SNTG2: variants seen among roughly 807,000 people sequenced by gnomAD.
The protein encoded by SNTG2 is syntrophin gamma 2, also known as gamma-2-syntrophin.
Under a neutral mutation model 70.9 loss-of-function variants are expected in SNTG2, and 74 were observed. The observed-to-expected ratio is 1.04, with a 90% CI of 0.86 to 1.27. The LOEUF (loss-of-function observed/expected upper bound fraction) is 1.27, where lower values mean the gene tolerates loss of function less well. SNTG2 is among the 50% of genes most tolerant of loss of function. The probability of loss-of-function intolerance (pLI) is 0.00; values close to 1 mark genes in which losing one functional copy is unlikely to be tolerated. For synonymous variants in SNTG2, 278 were observed against 273.8 expected (o/e 1.02, Z -0.15); for missense variants, 717 against 690.7 (o/e 1.04, Z -0.43).
At chr2:1,278,923 C>G (rs901616894) in intron 14 of SNTG2, among the ~76,000 whole-genome samples, 1 of 150,494 alleles carries the variant, frequency 6.6e-6, no homozygotes, top group Admixed American at 6.6e-5. Flanking sequence ...CCCCGGGACG[C>G]GAATCACCCC....
chr2:1,078,878 A>T (rs1664096268), intron 1 of SNTG2, among the ~76,000 whole-genome samples: 2 of 152,164 alleles, frequency 1.3e-5, no homozygotes. Context: ...ACAGGAACTG[A>T]GGAGTTTCAA....
chr2:1,328,608 A>T (rs1042800981), intron 16 of SNTG2, among the ~76,000 whole-genome samples: 1 of 152,176 alleles, frequency 6.6e-6, no homozygotes, highest in Non-Finnish European at 1.5e-5. Flanking sequence ...ATCTTAGAGG[A>T]GACAGATGGA....
intron 6 of SNTG2, among the ~76,000 whole-genome samples, chr2:1,141,837 G>C (rs934449019): frequency 2.0e-5 from 3 of 152,108 alleles, no homozygotes; most frequent in Non-Finnish European, 4.4e-5. Context: ...AGACAAGTGT[G>C]GGATGAGTCC....
In SNTG2 at chr2:1,237,872, C is replaced by T. The variant is rs1370882453; in HGVS notation, c.720-16C>T. ...CGTCGCTGCGGGGCCTCCTGGACAG[C>T]TCTCTCCCTCCCCAGGTGGAATGCG... On this transcript the variant is annotated splice_polypyrimidine_tract_variant and intron_variant, in intron 9 of 16. Transcript: ENST00000308624. 6.3e-7 allele frequency: 1 copy of T among 1,592,816 alleles called. No homozygotes were observed. Among genetic ancestry groups the T allele is most frequent in the East Asian group, 2.3e-5 (1 of 43,670 alleles).
intron 8 of SNTG2, among the ~76,000 whole-genome samples, chr2:1,199,347 G>A (rs572267726): frequency 6.6e-6 from 1 of 151,752 alleles, no homozygotes; most frequent in Non-Finnish European, 1.5e-5. Context: ...TATGATAAAA[G>A]TACTCAAATT....
At chr2:1,367,264 G>A (rs1661537359) in intron 16 of SNTG2, 79 bp from the exon 17 acceptor site, 10 of 1,399,622 alleles carry the variant, frequency 7.1e-6, no homozygotes, top group South Asian at 1.5e-5. Context: ...AGTTCACAAG[G>A]TCCAAACTTT....
intron 9 of SNTG2, among the ~76,000 whole-genome samples, chr2:1,233,143 T>A (rs991003192): frequency 6.6e-6 from 1 of 152,218 alleles, no homozygotes; most frequent in African/African-American, 2.4e-5. Context: ...AAAAAGGCGA[T>A]TTACACATTT....
chr2:1,020,810 T>A (rs1231404447), intron 1 of SNTG2, among the ~76,000 whole-genome samples: 2 of 152,198 alleles, frequency 1.3e-5, no homozygotes, highest in Non-Finnish European at 2.9e-5. Flanking sequence ...CACAGACTTC[T>A]CTGTTTTTAA....
intron 16 of SNTG2, among the ~76,000 whole-genome samples, chr2:1,349,140 G>A (rs1306867652): frequency 1.3e-5 from 2 of 152,198 alleles, no homozygotes; most frequent in Non-Finnish European, 1.5e-5. Context: ...GGCTGGGTTG[G>A]GGATGAAACC....
chr2:999,598 C>A (rs1661800661), intron 1 of SNTG2, among the ~76,000 whole-genome samples: 1 of 151,912 alleles, frequency 6.6e-6, no homozygotes, highest in Non-Finnish European at 1.5e-5. Flanking sequence ...CTATAACAAT[C>A]ATAAATATAC....
chr2:1,119,786 AAAAT>A (rs571495824), intron 4 of SNTG2, among the ~76,000 whole-genome samples: 60 of 152,278 alleles, frequency 3.9e-4, no homozygotes, highest in African/African-American at 1.4e-3. Flanking sequence ...AACAACAAAA[AAAAT>A]AAGAGAATGG....
chr2:1,070,798 G>C (rs191405785), intron 1 of SNTG2, among the ~76,000 whole-genome samples: 40 of 152,316 alleles, frequency 2.6e-4, no homozygotes, highest in African/African-American at 9.1e-4. Flanking sequence ...GCAGCAAGCA[G>C]GTGAACCGTG....
intron 6 of SNTG2, 75 bp from the exon 7 acceptor site, chr2:1,165,473 G>C (rs1001818125): frequency 1.5e-6 from 2 of 1,345,436 alleles, no homozygotes; most frequent in African/African-American, 2.9e-5. Flanking sequence ...AGGAGAGGTA[G>C]AGAGATTTTA....
chr2:1,216,758 C>A (rs1367846120), intron 9 of SNTG2, among the ~76,000 whole-genome samples: 1 of 152,152 alleles, frequency 6.6e-6, no homozygotes, highest in Non-Finnish European at 1.5e-5. Context: ...TGTCTCCACC[C>A]AAATATCATC....
intron 1 of SNTG2, among the ~76,000 whole-genome samples, chr2:972,914 C>G (rs895342136): frequency 6.6e-6 from 1 of 152,188 alleles, no homozygotes; most frequent in African/African-American, 2.4e-5. Context: ...ATTACTCAGT[C>G]TCAGGTATTT....
chr2:1,051,718 A>G (rs1201575826), intron 1 of SNTG2, among the ~76,000 whole-genome samples: 2 of 152,224 alleles, frequency 1.3e-5, no homozygotes. Flanking sequence ...GCAAAACACT[A>G]AAGCCTCCGG....
chr2:1,133,104 G>A lies in SNTG2; in HGVS notation c.326-4518G>A, dbSNP rs906066465. ...GGTGATGATTATGCCTTACACATGG[G>A]GTTGTGATGTGGTTTAAATACGTCC... On this transcript the variant is annotated intron_variant, in intron 4 of 16. Transcript: ENST00000308624. 2.3e-4 allele frequency among the ~76,000 whole-genome samples: 35 copies of A among 152,138 alleles called. 1 individual carries two copies. Among genetic ancestry groups the A allele is most frequent in the Non-Finnish European group, 1.5e-5 (1 of 68,020 alleles).
chr2:1,060,403 C>T (rs1662735357), intron 1 of SNTG2, among the ~76,000 whole-genome samples: 1 of 152,094 alleles, frequency 6.6e-6, no homozygotes, highest in South Asian at 2.1e-4. Flanking sequence ...TGCATAGATA[C>T]AGAGATAGAA....
intron 1 of SNTG2, among the ~76,000 whole-genome samples, chr2:992,960 A>G (rs1042824746): frequency 6.6e-6 from 1 of 151,864 alleles, no homozygotes; most frequent in Non-Finnish European, 1.5e-5. Context: ...AGTCCTGATT[A>G]CCCCTCCCCC....
Sources: allele counts gnomAD v4.1 joint callset (sites outside exome capture counted in the v4.1 genomes callset), GRCh38; gene constraint gnomAD v4.1.1; transcripts MANE v1.5; gene names NCBI Gene and HGNC (gene_info 2026-07-23, HGNC 2026-07-21).